CACNA1C: variants seen among roughly 807,000 people sequenced by gnomAD.
CACNA1C encodes the protein voltage-dependent L-type calcium channel subunit alpha-1C.
A neutral mutation model predicts 229.0 loss-of-function variants in CACNA1C; 30 were observed. The ratio of observed to expected loss-of-function variants is 0.13; its 90% CI spans 0.10 to 0.18. The LOEUF (loss-of-function observed/expected upper bound fraction) is 0.18, where lower values mean the gene tolerates loss of function less well. Among genes scored for constraint, CACNA1C ranks in the 10% least tolerant of loss-of-function variants. The pLI, the probability that CACNA1C is intolerant of heterozygous loss-of-function variation, is 1.00. For synonymous variants in CACNA1C, 1,114 were observed against 1,132.5 expected (o/e 0.98, Z 0.33); for missense variants, 1,658 against 2,845.0 (o/e 0.58, Z 9.49).
intron 1 of CACNA1C, among the ~76,000 whole-genome samples, chr12:2,061,971 A>G (rs1039408317): frequency 2.0e-5 from 3 of 152,232 alleles, no homozygotes; most frequent in African/African-American, 7.2e-5. Context: ...TCAAAATAGG[A>G]AAGAGCTTTA....
chr12:2,688,894 G>A, intron 46 of CACNA1C, 115 bp downstream of exon 46: 2 of 849,974 alleles, frequency 2.4e-6, no homozygotes, highest in Non-Finnish European at 3.5e-6. Context: ...GTCAATATCT[G>A]AGCCCGAAAG....
intron 1 of CACNA1C, among the ~76,000 whole-genome samples, chr12:1,987,683 TCA>T (rs1362125590): frequency 2.6e-5 from 4 of 152,198 alleles, no homozygotes; most frequent in Non-Finnish European, 5.9e-5. Context: ...TGAAGAGGAT[TCA>T]GTTTTCTTAC....
intron 5 of CACNA1C, among the ~76,000 whole-genome samples, chr12:2,481,496 C>T (rs4765945): frequency 0.64 from 97,095 of 152,126 alleles, 31,825 homozygotes; most frequent in East Asian, 0.88. Flanking sequence ...CCATGTCTGC[C>T]GGCTAAACTC....
chr12:2,004,597 C>T, intron 1 of CACNA1C: 7 of 995,152 alleles, frequency 7.0e-6, no homozygotes, highest in African/African-American at 1.6e-5. Context: ...AGACGCAAGG[C>T]CTCACTAATC....
chr12:2,038,517 A>T (rs2049532050), intron 1 of CACNA1C, among the ~76,000 whole-genome samples: 1 of 152,130 alleles, frequency 6.6e-6, no homozygotes, highest in Non-Finnish European at 1.5e-5. Flanking sequence ...TCTTATCTTT[A>T]TTATTTTGCT....
rs1568940935 is a variant in CACNA1C at position 2,633,064 on chromosome 12, A to G, written c.3829-1233A>G. On this transcript the variant is annotated intron_variant, in intron 29 of 46. Coordinates refer to ENST00000399655, the MANE Select transcript of CACNA1C (RefSeq NM_000719.7). The surrounding 1 kb of genome is among the most constrained non-coding windows in gnomAD (Gnocchi z 5.8). ...TCCTTCTTTTATTTTTGAGCTTTAT[A>G]TGAGTCACCAGTGAGCCCAGATAAC... Among the ~76,000 whole-genome samples the G allele has an allele frequency of 6.6e-6, 1 of 152,146 alleles. No homozygotes were observed.
chr12:2,006,984 G>C (rs1461141083), intron 1 of CACNA1C, among the ~76,000 whole-genome samples: 1 of 152,204 alleles, frequency 6.6e-6, no homozygotes, highest in Non-Finnish European at 1.5e-5. Context: ...ACACAAAGCT[G>C]ACTAGACAAC....
chr12:2,655,294 C>T, intron 34 of CACNA1C, 56 bp downstream of exon 34: 1 of 1,076,734 alleles, frequency 9.3e-7, no homozygotes, highest in South Asian at 1.4e-5. Context: ...TGGTGCCACA[C>T]TGTGGCCTGG....
At chr12:2,202,490 T>G (rs889035243) in intron 3 of CACNA1C, among the ~76,000 whole-genome samples, 6 of 152,246 alleles carry the variant, frequency 3.9e-5, no homozygotes, top group Non-Finnish European at 8.8e-5. Flanking sequence ...ATTTCTTATT[T>G]TAAGTCTTCT....
Position 2,597,583 on chromosome 12 carries a change from T to C in CACNA1C, c.2853+294T>C. On this transcript the variant is annotated intron_variant, in intron 21 of 46. Coordinates refer to ENST00000399655, the MANE Select transcript of CACNA1C (RefSeq NM_000719.7). This position sits in a 1 kb window ranked among gnomAD's most constrained non-coding sequence, Gnocchi z 4.3. ...CTGGATCTTTTGTCTTTTCTGTTTC[T>C]TTCACTCTCTCTTTTCTTTACTCCC... 3.3e-6 allele frequency: 3 copies of C among 915,816 alleles called. No individual in the cohort carries two copies. Among genetic ancestry groups the C allele is most frequent in the Non-Finnish European group, 5.4e-6 (3 of 560,652 alleles). 56.7% of individuals were successfully genotyped at this position (915,816 alleles called of 1,614,324 possible).
chr12:2,356,324 A>G (rs1013989073), intron 3 of CACNA1C, among the ~76,000 whole-genome samples: 1 of 152,226 alleles, frequency 6.6e-6, no homozygotes, highest in Non-Finnish European at 1.5e-5. Context: ...CTCAAAAGTG[A>G]TGGGGCCAAA....
chr12:2,232,553 C>T (rs1854499511), intron 3 of CACNA1C, among the ~76,000 whole-genome samples: 2 of 152,106 alleles, frequency 1.3e-5, no homozygotes, highest in African/African-American at 4.8e-5. Flanking sequence ...TATTTCCCCA[C>T]TTCTAATAAG....
chr12:2,174,045 G>C (rs1235190556), intron 3 of CACNA1C, among the ~76,000 whole-genome samples: 2 of 152,072 alleles, frequency 1.3e-5, no homozygotes, highest in Admixed American at 6.6e-5. Flanking sequence ...CAAGTTCACA[G>C]ATTTATTACA....
chr12:2,209,055 A>G (rs2097844185), intron 3 of CACNA1C, among the ~76,000 whole-genome samples: 1 of 152,216 alleles, frequency 6.6e-6, no homozygotes, highest in East Asian at 1.9e-4. Context: ...CCCGGCCAGC[A>G]GCGTCCATGC....
At chr12:2,635,832 CTG>C (rs572587436) in intron 30 of CACNA1C, among the ~76,000 whole-genome samples, 6 of 151,934 alleles carry the variant, frequency 3.9e-5, no homozygotes, top group East Asian at 1.9e-4. Context: ...GAGTGCATGT[CTG>C]TGTGTGTGTG....
At chr12:2,205,716 A>C (rs951785143) in intron 3 of CACNA1C, among the ~76,000 whole-genome samples, 2 of 152,136 alleles carry the variant, frequency 1.3e-5, no homozygotes, top group Admixed American at 1.3e-4. Context: ...TAGTTTGCTC[A>C]GGCTCCTATA....
intron 3 of CACNA1C, among the ~76,000 whole-genome samples, chr12:2,289,625 A>G (rs747912941): frequency 1.8e-4 from 27 of 150,294 alleles, no homozygotes; most frequent in Non-Finnish European, 3.3e-4. Context: ...GGTGGGTGAG[A>G]TAAAGGCACG....
intron 9 of CACNA1C, among the ~76,000 whole-genome samples, chr12:2,544,113 C>T (rs995173620): frequency 9.9e-5 from 15 of 150,768 alleles, no homozygotes; most frequent in Admixed American, 9.9e-4. Context: ...GCTCCTAACT[C>T]TCAGTGCTTT....
chr12:2,565,544 T>C (rs2050356449), intron 11 of CACNA1C, among the ~76,000 whole-genome samples: 1 of 151,512 alleles, frequency 6.6e-6, no homozygotes, highest in South Asian at 2.1e-4. Flanking sequence ...TGTTGGGGCT[T>C]GCGGACCAGT....
Sources: allele counts gnomAD v4.1 joint callset (sites outside exome capture counted in the v4.1 genomes callset), GRCh38; gene constraint gnomAD v4.1.1; non-coding constraint Gnocchi (gnomAD v3.1); transcripts MANE v1.5; gene names NCBI Gene and HGNC (gene_info 2026-07-23, HGNC 2026-07-21).